GABRB2: variants seen among roughly 807,000 people sequenced by gnomAD.
GABRB2 encodes the protein gamma-aminobutyric acid type A receptor subunit beta2.
Under a neutral mutation model 54.7 loss-of-function variants are expected in GABRB2, and 16 were observed. The ratio of observed to expected loss-of-function variants is 0.29; its 90% CI spans 0.20 to 0.44. GABRB2 has a LOEUF of 0.44. Among genes scored for constraint, GABRB2 ranks in the 20% least tolerant of loss-of-function variants. The pLI is 1.00. For synonymous variants in GABRB2, 244 were observed against 233.8 expected, an observed-to-expected ratio of 1.04 and a Z score of -0.40; for missense variants, 355 against 644.0, an observed-to-expected ratio of 0.55 and a Z score of 4.86.
At chr5:161,327,238 C>T (rs1476740139) in intron 8 of GABRB2, among the ~76,000 whole-genome samples, 1 of 152,112 alleles carries the variant, frequency 6.6e-6, no homozygotes, top group Non-Finnish European at 1.5e-5. Context: ...CTTAACTTGG[C>T]ACATGAAGAC....
chr5:161,544,065 A>C (rs746581366), intron 3 of GABRB2, among the ~76,000 whole-genome samples: 1 of 152,182 alleles, frequency 6.6e-6, no homozygotes, highest in Admixed American at 6.5e-5. Flanking sequence ...TATGAGGACT[A>C]TGTTGGTTAC....
intron 5 of GABRB2, among the ~76,000 whole-genome samples, chr5:161,350,559 C>T (rs1350069706): frequency 6.6e-6 from 1 of 152,012 alleles, no homozygotes; most frequent in East Asian, 1.9e-4. Context: ...GAAAAGATAG[C>T]ACATTTTGAT....
chr5:161,504,987 G>A (rs938786350), intron 3 of GABRB2, among the ~76,000 whole-genome samples: 34 of 151,962 alleles, frequency 2.2e-4, no homozygotes, highest in African/African-American at 8.0e-4. Flanking sequence ...CCTCACAATT[G>A]CAGATGACTC....
At chr5:161,495,517 G>C (rs182209809) in intron 3 of GABRB2, among the ~76,000 whole-genome samples, 41 of 151,598 alleles carry the variant, frequency 2.7e-4, no homozygotes, top group African/African-American at 9.7e-4. Flanking sequence ...ATTTGAAAAC[G>C]TTTGCCCCAA....
At chr5:161,466,925 T>C (rs1758298283) in intron 3 of GABRB2, among the ~76,000 whole-genome samples, 2 of 152,102 alleles carry the variant, frequency 1.3e-5, no homozygotes, top group Non-Finnish European at 1.5e-5. Context: ...AATTATGTAT[T>C]TTTCCCTACC....
chr5:161,317,969 A>G (rs918841216), intron 9 of GABRB2, among the ~76,000 whole-genome samples: 4 of 152,054 alleles, frequency 2.6e-5, no homozygotes, highest in South Asian at 4.1e-4. Context: ...TGCTGAAGGG[A>G]AAGTGAGAAA....
intron 4 of GABRB2, among the ~76,000 whole-genome samples, chr5:161,415,888 C>A (rs187893359): frequency 3.2e-4 from 49 of 152,132 alleles, no homozygotes; most frequent in African/African-American, 7.5e-4. Context: ...GCTAGGATTA[C>A]AGGCGTGATC....
rs371830061 is a variant in GABRB2 at position 161,530,125 on chromosome 5, G to A, written c.237+15102C>T. Among the ~76,000 whole-genome samples, 166 of 152,108 alleles carry A rather than the reference G, an allele frequency of 1.1e-3. 2 individuals carry two copies. Among genetic ancestry groups the A allele is most frequent in the African/African-American group, 3.8e-3 (158 of 41,496 alleles). On this transcript the variant is annotated intron_variant, in intron 3 of 9. Coordinates refer to ENST00000393959, the MANE Select transcript of GABRB2 (RefSeq NM_001371727.1). The stretch of plus-strand genomic sequence containing the variant: ...TTGAATTGGGTTTTAGTCTCACCTC[G>A]AGTGCACTATGCACTAAAACAACAA...
At chr5:161,494,641 CT>C (rs1280245686) in intron 3 of GABRB2, among the ~76,000 whole-genome samples, 3 of 150,764 alleles carry the variant, frequency 2.0e-5, no homozygotes, top group African/African-American at 7.3e-5. Context: ...GTTTACTTTT[CT>C]AAGTGGAGAA....
intron 5 of GABRB2, among the ~76,000 whole-genome samples, chr5:161,378,582 T>C (rs1164321046): frequency 6.6e-6 from 1 of 152,170 alleles, no homozygotes; most frequent in African/African-American, 2.4e-5. Context: ...AAGGTGATAA[T>C]GGCCTTGGTG....
upstream of GABRB2, chr5:161,546,779 G>T (rs890684223): frequency 2.7e-4 from 399 of 1,473,284 alleles, 1 homozygote; most frequent in Non-Finnish European, 3.5e-4. Flanking sequence ...GCGGCTGCCG[G>T]GGACCGAGCA....
chr5:161,537,698 T>C (rs1042447025), intron 3 of GABRB2, among the ~76,000 whole-genome samples: 4 of 152,190 alleles, frequency 2.6e-5, no homozygotes, highest in Admixed American at 1.3e-4. Context: ...TTCAGAACCA[T>C]CTTCGATAGG....
At chr5:161,330,703 T>C (rs1753812681) in intron 8 of GABRB2, 180 bp downstream of exon 8, 2 of 776,700 alleles carry the variant, frequency 2.6e-6, no homozygotes, top group East Asian at 5.1e-5. Context: ...CCAAATCTTG[T>C]GTCATGAGTT....
At chr5:161,463,578 T>TAG (rs1723188810) in intron 3 of GABRB2, among the ~76,000 whole-genome samples, 1 of 125,612 alleles carries the variant, frequency 8.0e-6, no homozygotes, top group Non-Finnish European at 1.7e-5. Context: ...TATATATATA[T>TAG]ATATATATAT....
chr5:161,318,911 C>T (rs1421376814), intron 9 of GABRB2, among the ~76,000 whole-genome samples: 1 of 151,716 alleles, frequency 6.6e-6, no homozygotes, highest in Non-Finnish European at 1.5e-5. Flanking sequence ...CTCTTTTCTT[C>T]CCTTCCATTA....
At chr5:161,317,533 G>C (rs1758078783) in intron 9 of GABRB2, among the ~76,000 whole-genome samples, 2 of 152,104 alleles carry the variant, frequency 1.3e-5, no homozygotes, top group African/African-American at 4.8e-5. Flanking sequence ...TGCAAAACAT[G>C]AAACAATAAA....
intron 5 of GABRB2, among the ~76,000 whole-genome samples, chr5:161,391,743 A>T (rs562134597): frequency 3.9e-4 from 60 of 152,312 alleles, no homozygotes; most frequent in African/African-American, 1.4e-3. Flanking sequence ...ATAGGTACTG[A>T]CCCACAGAAG....
chr5:161,535,970 T>C (rs1260548394), intron 3 of GABRB2, among the ~76,000 whole-genome samples: 1 of 152,136 alleles, frequency 6.6e-6, no homozygotes, highest in Non-Finnish European at 1.5e-5. Context: ...GGCTTCCTCT[T>C]GTACCAGGTG....
chr5:161,390,918 ATCT>A (rs1247458556), intron 5 of GABRB2, among the ~76,000 whole-genome samples: 1 of 152,140 alleles, frequency 6.6e-6, no homozygotes, highest in Non-Finnish European at 1.5e-5. Flanking sequence ...AACCATGTGC[ATCT>A]TCTTAGGTTT....
Sources: gnomAD v4.1 joint callset for allele counts (sites outside exome capture counted in the v4.1 genomes callset) on GRCh38, gnomAD v4.1.1 for gene constraint, MANE v1.5 for transcripts, NCBI Gene and HGNC (gene_info 2026-07-23, HGNC 2026-07-21) for gene names.